STRBP: variants seen among roughly 807,000 people sequenced by gnomAD.
STRBP encodes the protein spermatid perinuclear RNA-binding protein.
Under a neutral mutation model 80.1 loss-of-function variants are expected in STRBP, and 13 were observed. The observed-to-expected ratio is 0.16, with a 90% CI of 0.11 to 0.26. STRBP has a LOEUF of 0.26. Ranked by LOEUF, STRBP falls within the 10% of genes least tolerant of loss-of-function variation. STRBP has a pLI of 1.00. For synonymous variants in STRBP, 284 were observed against 291.2 expected, an observed-to-expected ratio of 0.98 and a Z score of 0.25; for missense variants, 485 against 815.2, an observed-to-expected ratio of 0.59 and a Z score of 4.93.
intron 2 of STRBP, among the ~76,000 whole-genome samples, chr9:123,212,024 C>A (rs2039727652): frequency 6.6e-6 from 1 of 152,164 alleles, no homozygotes; most frequent in Non-Finnish European, 1.5e-5. Context: ...ACTTTCAAGT[C>A]AACCTTAGTA....
intron 6 of STRBP, among the ~76,000 whole-genome samples, chr9:123,164,895 G>A (rs1303623093): frequency 6.6e-6 from 1 of 152,166 alleles, no homozygotes; most frequent in African/African-American, 2.4e-5. Context: ...GTAGAACAGA[G>A]AAAGCACTGT....
rs1307406037 is a variant in STRBP, at chr9:123,160,379, T to C, written c.711A>G (p.Pro237=). 1 of 1,595,622 alleles carries C rather than the reference T, an allele frequency of 6.3e-7. No homozygotes were observed. Among genetic ancestry groups the C allele is most frequent in the Non-Finnish European group, 8.6e-7 (1 of 1,166,934 alleles). Residue 237 remains proline, a synonymous_variant, in exon 8 of 19, where the codon CCA becomes CCG. Coordinates refer to ENST00000348403, the MANE Select transcript of STRBP (RefSeq NM_018387.5). ...DLCNRVPTWA[P]LKGWPLELIC... ...TTTAAGTACTTACCCATCCTTTCAA[T>C]GGTGCCCATGTGGGGACTCTGTTGC...
chr9:123,258,530 G>A lies in STRBP; in HGVS notation c.-302+9906C>T, dbSNP rs547605884. ...TAAAGAATCTGCAAGAAGGCCAGGC[G>A]TGGTGGCTCACGCCTGTAATCCCAG... On this transcript the variant is annotated intron_variant, in intron 1 of 18. Transcript: ENST00000348403. 7.9e-5 allele frequency among the ~76,000 whole-genome samples: 12 copies of A among 152,240 alleles called. No individual in the cohort carries two copies. In the South Asian group the frequency reaches 8.3e-4, roughly 11 times the overall value.
chr9:123,214,009 A>T (rs1374168766), intron 2 of STRBP: 2 of 152,132 alleles, frequency 1.3e-5, no homozygotes, highest in Admixed American at 6.5e-5. Flanking sequence ...GAGGAAAAGA[A>T]GTCATTATAT....
At chr9:123,222,550 G>A (rs753992778) in intron 2 of STRBP, among the ~76,000 whole-genome samples, 21 of 152,076 alleles carry the variant, frequency 1.4e-4, no homozygotes, top group Non-Finnish European at 2.8e-4. Flanking sequence ...AATAAAAGAG[G>A]AGCCACCTAT....
At chr9:123,141,362 A>G (rs770713151) in intron 13 of STRBP, among the ~76,000 whole-genome samples, 5 of 152,346 alleles carry the variant, frequency 3.3e-5, no homozygotes, top group Middle Eastern at 3.4e-3. Context: ...CGCTTTTTTA[A>G]CATCTTAAGT....
At chr9:123,160,174 T>C (rs1211287648) in intron 8 of STRBP, among the ~76,000 whole-genome samples, 193 bp downstream of exon 8, 4 of 152,192 alleles carry the variant, frequency 2.6e-5, no homozygotes, top group Non-Finnish European at 5.9e-5. Flanking sequence ...TACAATGAGG[T>C]AGAAGAGGCA....
chr9:123,147,051 A>T lies in STRBP; in HGVS notation c.1142T>A (p.Leu381Gln). Residue 381 changes from leucine to glutamine, a missense_variant, in exon 13 of 19, where the codon CTG (leucine) becomes CAG (glutamine). Leu to Gln is a moderately radical substitution (Grantham distance 113). Around this residue, in one of 3 missense-constraint regions of STRBP, gnomAD observed 377 missense variants for 616.1 expected, o/e 0.61. Transcript: ENST00000348403. ...CATAAGGTCTATTGCTTTACTATCC[A>T]GAACTGTTAAAGAAAGAGGAATGAG... ...KKMKRNLRKI[L>Q]DSKAIDLMNA... is the part of the protein sequence containing the mutation. The T allele has an allele frequency of 6.2e-7, 1 of 1,612,312 alleles. No homozygotes were observed. The highest frequency in any genetic ancestry group is 8.5e-7 in the Non-Finnish European group (1 of 1,178,778).
chr9:123,251,167 T>C (rs2040907196), intron 1 of STRBP, among the ~76,000 whole-genome samples: 1 of 152,090 alleles, frequency 6.6e-6, no homozygotes, highest in African/African-American at 2.4e-5. Context: ...GTTTCTTTCT[T>C]TTCTTTTTTC....
chr9:123,250,971 A>AT (rs909672489), intron 1 of STRBP, among the ~76,000 whole-genome samples: 2 of 151,686 alleles, frequency 1.3e-5, no homozygotes, highest in Admixed American at 1.3e-4. Flanking sequence ...AAAACAAAAA[A>AT]TTTTTTTTTA....
intron 2 of STRBP, among the ~76,000 whole-genome samples, chr9:123,214,092 A>T (rs1242911610): frequency 6.6e-6 from 1 of 151,720 alleles, no homozygotes; most frequent in Non-Finnish European, 1.5e-5. Flanking sequence ...ACCAGCCCAA[A>T]TGCCCATCAA....
chr9:123,130,788 A>T (rs2036103486), intron 17 of STRBP, among the ~76,000 whole-genome samples: 1 of 152,032 alleles, frequency 6.6e-6, no homozygotes, highest in Admixed American at 6.6e-5. Flanking sequence ...CCAGCTAAAA[A>T]CCCTAGGAGC....
chr9:123,217,380 A>G (rs1050433584), intron 2 of STRBP, among the ~76,000 whole-genome samples: 1 of 152,202 alleles, frequency 6.6e-6, no homozygotes, highest in Non-Finnish European at 1.5e-5. Context: ...ATGCAAAGAT[A>G]CTCCCTTGCC....
intron 2 of STRBP, among the ~76,000 whole-genome samples, chr9:123,214,690 T>G (rs1463317020): frequency 6.6e-6 from 1 of 152,092 alleles, no homozygotes; most frequent in East Asian, 1.9e-4. Flanking sequence ...TAACATTAAT[T>G]CTCCCTCCTC....
chr9:123,219,694 TCA>T (rs755560940), intron 2 of STRBP, among the ~76,000 whole-genome samples: 12 of 152,236 alleles, frequency 7.9e-5, no homozygotes, highest in Non-Finnish European at 1.6e-4. Context: ...CTTTGATGTC[TCA>T]CAGACTTGGA....
At chr9:123,148,027 T>C (rs887078828) in intron 11 of STRBP, among the ~76,000 whole-genome samples, 157 bp from the exon 12 acceptor site, 12 of 152,224 alleles carry the variant, frequency 7.9e-5, no homozygotes, top group African/African-American at 2.9e-4. Flanking sequence ...ATTTATAATC[T>C]AGAAAAGCAA....
intron 2 of STRBP, among the ~76,000 whole-genome samples, chr9:123,215,465 T>C (rs2039864956): frequency 6.6e-6 from 1 of 152,196 alleles, no homozygotes; most frequent in Non-Finnish European, 1.5e-5. Context: ...TCATTTACTA[T>C]TCAGTTAACA....
intron 2 of STRBP, among the ~76,000 whole-genome samples, chr9:123,236,146 G>A (rs1439338276): frequency 1.3e-5 from 2 of 152,110 alleles, no homozygotes; most frequent in African/African-American, 4.8e-5. Flanking sequence ...CTGCTCTAAA[G>A]TAGAAAATGT....
intron 1 of STRBP, among the ~76,000 whole-genome samples, chr9:123,264,163 G>A (rs1194402528): frequency 1.3e-5 from 2 of 152,202 alleles, no homozygotes; most frequent in Admixed American, 6.5e-5. Context: ...TGGCGACAGA[G>A]CGCCACTGCA....
Sources: allele counts gnomAD v4.1 joint callset (sites outside exome capture counted in the v4.1 genomes callset), GRCh38; gene constraint gnomAD v4.1.1; regional missense constraint gnomAD v4.1.1; transcripts MANE v1.5; gene names NCBI Gene and HGNC (gene_info 2026-07-23, HGNC 2026-07-21).